KCNH7: variants seen among roughly 807,000 people sequenced by gnomAD.
The protein encoded by KCNH7 is voltage-gated inwardly rectifying potassium channel KCNH7.
Under a neutral mutation model 120.8 loss-of-function variants are expected in KCNH7, and 49 were observed. The observed-to-expected ratio is 0.41, with a 90% CI of 0.32 to 0.51. The LOEUF (loss-of-function observed/expected upper bound fraction) is 0.51. Ranked by LOEUF, KCNH7 falls within the 20% of genes least tolerant of loss-of-function variation. KCNH7 has a pLI of 0.38. For synonymous variants in KCNH7, 547 were observed against 516.1 expected (o/e 1.06, Z -0.81); for missense variants, 1,097 against 1,446.6 (o/e 0.76, Z 3.92).
chr2:162,627,441 C>T (rs2105209407), intron 2 of KCNH7, among the ~76,000 whole-genome samples: 1 of 152,220 alleles, frequency 6.6e-6, no homozygotes, highest in Non-Finnish European at 1.5e-5. Context: ...AAATATGTTC[C>T]TAAACATGCA....
At chr2:162,603,194 T>C (rs1694617569) in intron 2 of KCNH7, among the ~76,000 whole-genome samples, 1 of 152,008 alleles carries the variant, frequency 6.6e-6, no homozygotes, top group Non-Finnish European at 1.5e-5. Flanking sequence ...AAGTGAACTA[T>C]AGATATTGCT....
At chr2:162,713,604 T>C (rs927551624) in intron 2 of KCNH7, among the ~76,000 whole-genome samples, 2 of 152,160 alleles carry the variant, frequency 1.3e-5, no homozygotes, top group African/African-American at 2.4e-5. Flanking sequence ...TGCTTGAGGG[T>C]AGATTTTTAA....
chr2:162,519,177 A>G (rs1201872528), intron 3 of KCNH7, among the ~76,000 whole-genome samples: 1 of 151,798 alleles, frequency 6.6e-6, no homozygotes, highest in Non-Finnish European at 1.5e-5. Context: ...GACAATATCT[A>G]TTAAAGTGAA....
chr2:162,616,915 T>C (rs1240945599), intron 2 of KCNH7, among the ~76,000 whole-genome samples: 2 of 152,182 alleles, frequency 1.3e-5, no homozygotes, highest in African/African-American at 2.4e-5. Context: ...CCTTCAGTCA[T>C]CCCATTTATG....
intron 2 of KCNH7, among the ~76,000 whole-genome samples, chr2:162,755,840 C>T (rs866555082): frequency 6.6e-6 from 1 of 152,044 alleles, no homozygotes; most frequent in South Asian, 2.1e-4. Context: ...TTGGCATATA[C>T]TTGGTACATC....
intron 5 of KCNH7, among the ~76,000 whole-genome samples, chr2:162,511,292 A>T (rs1001426324): frequency 6.6e-6 from 1 of 151,728 alleles, no homozygotes; most frequent in African/African-American, 2.4e-5. Context: ...ATTTATCACT[A>T]CATTTAAAAA....
intron 2 of KCNH7, among the ~76,000 whole-genome samples, chr2:162,822,432 G>A (rs1685150298): frequency 6.6e-6 from 1 of 152,114 alleles, no homozygotes; most frequent in Admixed American, 6.6e-5. Flanking sequence ...CACTGATGAA[G>A]AAAGTGAGGA....
intron 2 of KCNH7, among the ~76,000 whole-genome samples, chr2:162,734,679 A>G (rs1274997824): frequency 5.3e-5 from 8 of 151,248 alleles, no homozygotes; most frequent in African/African-American, 1.7e-4. Flanking sequence ...AACTCATGGC[A>G]TAAATCATTG....
intron 2 of KCNH7, among the ~76,000 whole-genome samples, chr2:162,764,150 T>G (rs773410518): frequency 6.6e-6 from 1 of 152,138 alleles, no homozygotes; most frequent in Non-Finnish European, 1.5e-5. Flanking sequence ...GTACGATTCC[T>G]TAAGGTTTCA....
At chr2:162,656,245 T>C (rs1684756503) in intron 2 of KCNH7, among the ~76,000 whole-genome samples, 2 of 152,196 alleles carry the variant, frequency 1.3e-5, no homozygotes, top group Admixed American at 6.5e-5. Flanking sequence ...ATAAATCCAC[T>C]GACTTGTTTC....
intron 2 of KCNH7, among the ~76,000 whole-genome samples, chr2:162,604,496 G>A (rs12470114): frequency 0.045 from 6,886 of 152,040 alleles, 291 homozygotes; most frequent in East Asian, 0.13. Flanking sequence ...CATTTCTTAA[G>A]CTCTGATTTC....
intron 2 of KCNH7, among the ~76,000 whole-genome samples, chr2:162,649,065 A>G (rs1385734853): frequency 6.6e-6 from 1 of 152,220 alleles, no homozygotes; most frequent in African/African-American, 2.4e-5. Context: ...TAACAGAAGT[A>G]ATAAATACAG....
chr2:162,577,258 G>A (rs1693701015), intron 2 of KCNH7, among the ~76,000 whole-genome samples: 1 of 150,886 alleles, frequency 6.6e-6, no homozygotes, highest in Non-Finnish European at 1.5e-5. Context: ...CTCACTTAAG[G>A]CCACATCAAA....
At chr2:162,470,342 G>C (rs189398572) in intron 6 of KCNH7, among the ~76,000 whole-genome samples, 8,810 of 150,150 alleles carry the variant, frequency 0.059, 265 homozygotes, top group Middle Eastern at 0.069. Context: ...TGTGAGGAGC[G>C]CCTCTGCCCG....
At chr2:162,417,031 C>A (rs1202127301) in intron 9 of KCNH7, among the ~76,000 whole-genome samples, 1 of 152,042 alleles carries the variant, frequency 6.6e-6, no homozygotes, top group Non-Finnish European at 1.5e-5. Flanking sequence ...ATAATTTGGG[C>A]TAAGATGAAC....
intron 7 of KCNH7, among the ~76,000 whole-genome samples, chr2:162,439,949 T>C (rs1688368739): frequency 6.6e-6 from 1 of 151,814 alleles, no homozygotes; most frequent in Non-Finnish European, 1.5e-5. Flanking sequence ...TCAGGCAAGA[T>C]TCTCTCTTCA....
At chr2:162,637,989 G>A (rs1684021687) in intron 2 of KCNH7, among the ~76,000 whole-genome samples, 2 of 152,038 alleles carry the variant, frequency 1.3e-5, no homozygotes, top group South Asian at 4.1e-4. Flanking sequence ...GCCTATGGAG[G>A]AGCATTTTTT....
At chr2:162,686,159 C>T (rs1327937524) in intron 2 of KCNH7, among the ~76,000 whole-genome samples, 4 of 152,184 alleles carry the variant, frequency 2.6e-5, no homozygotes, top group Non-Finnish European at 2.9e-5. Flanking sequence ...TAAGATTTTG[C>T]TGTCATCCTA....
At chr2:162,535,612 A>G (rs980712369) in intron 3 of KCNH7, among the ~76,000 whole-genome samples, 1 of 151,818 alleles carries the variant, frequency 6.6e-6, no homozygotes, top group African/African-American at 2.4e-5. Context: ...GACATCAATT[A>G]TCTTCAAGTT....
Sources: gnomAD v4.1 joint callset for allele counts (sites outside exome capture counted in the v4.1 genomes callset) on GRCh38, gnomAD v4.1.1 for gene constraint, MANE v1.5 for transcripts, NCBI Gene and HGNC (gene_info 2026-07-23, HGNC 2026-07-21) for gene names.